BTBD8: variants seen among roughly 807,000 people sequenced by gnomAD.
BTBD8 encodes the protein BTB/POZ domain-containing protein 8.
BTBD8 carries 110 observed loss-of-function variants against 162.9 expected under a neutral mutation model. The ratio of observed to expected loss-of-function variants is 0.68; its 90% CI spans 0.58 to 0.79. The LOEUF (loss-of-function observed/expected upper bound fraction) is 0.79, where lower values mean the gene tolerates loss of function less well. Ranked by LOEUF, BTBD8 falls within the 30% of genes least tolerant of loss-of-function variation. BTBD8 has a pLI of 0.00. For missense variants in BTBD8, 1,905 were observed against 2,085.4 expected (o/e 0.91, Z 1.68); for synonymous variants, 667 against 716.1 (o/e 0.93, Z 1.10).
rs499588 is a variant in BTBD8 at position 92,176,567 on chromosome 1, C to T, written c.1636-262C>T. 1.9e-3 allele frequency among the ~76,000 whole-genome samples: 289 copies of T among 152,154 alleles called. 4 individuals carry two copies. The highest frequency in any genetic ancestry group is 6.6e-3 in the African/African-American group (274 of 41,522). On this transcript the variant is annotated intron_variant, in intron 13 of 17. Transcript: ENST00000636805. The stretch of plus-strand genomic sequence containing the variant: ...TCAAAACTTCATACATTAAAAAAGC[C>T]TTCCTTTTATTTATTTATTTACTTT...
At chr1:92,130,183 T>G (rs766410456) in intron 5 of BTBD8, among the ~76,000 whole-genome samples, 179 of 152,218 alleles carry the variant, frequency 1.2e-3, no homozygotes, top group Non-Finnish European at 1.7e-3. Flanking sequence ...TTTATGGTAT[T>G]TCTTCTTATA....
intron 4 of BTBD8, among the ~76,000 whole-genome samples, chr1:92,118,402 GT>G (rs1421168600): frequency 6.6e-6 from 1 of 151,368 alleles, no homozygotes; most frequent in Non-Finnish European, 1.5e-5. Flanking sequence ...TGGATTATGG[GT>G]TTGGGACAGG....
Position 92,114,999 on chromosome 1 carries a change from G to A in BTBD8, c.662+6998G>A, listed in dbSNP as rs138967911. On this transcript the variant is annotated intron_variant, in intron 4 of 17. Coordinates refer to ENST00000636805, the MANE Select transcript of BTBD8 (RefSeq NM_001376131.1). ...GCTCATTGTAGCCCCAGATGCCCTT[G>A]AGGGCCCCCTCTGATGCTGCTTTAC... is the stretch of plus-strand genomic sequence containing the variant. The A allele has an allele frequency of 2.9e-3, 854 of 290,058 alleles. 1 individual carries two copies. The highest frequency in any genetic ancestry group is 4.4e-3 in the Non-Finnish European group (664 of 149,380). The allele number at this position is 290,058 out of a possible 1,614,324, so 18.0% of individuals were successfully genotyped here. A position where few individuals can be genotyped will look rare whatever the true frequency, so the allele number is the denominator to read the frequency against.
chr1:92,096,432 G>A (rs1648453019), intron 2 of BTBD8, among the ~76,000 whole-genome samples: 1 of 152,006 alleles, frequency 6.6e-6, no homozygotes, highest in Non-Finnish European at 1.5e-5. Flanking sequence ...ACATTCAACT[G>A]TGACCTCTCC....
chr1:92,184,677 G>C lies in BTBD8; in HGVS notation c.*347G>C, dbSNP rs1394044108. The C allele has an allele frequency of 6.0e-6, 1 of 165,362 alleles. No homozygotes were observed. The highest frequency in any genetic ancestry group is 2.4e-5 in the African/African-American group (1 of 41,692). The allele number at this position is 165,362 out of a possible 1,614,324, so 10.2% of individuals were successfully genotyped here. A position where few individuals can be genotyped will look rare whatever the true frequency, so the allele number is the denominator to read the frequency against. On this transcript the variant is annotated 3_prime_UTR_variant, in exon 18 of 18. Transcript: ENST00000636805. ...GTCCCTTTACTTTTTGCTCTGCATA[G>C]GGTAACATAGTAATTTAACAATAAA...
At chr1:92,150,213 G>A (rs749110823) in intron 9 of BTBD8, among the ~76,000 whole-genome samples, 1 of 152,248 alleles carries the variant, frequency 6.6e-6, no homozygotes, top group Admixed American at 6.5e-5. Context: ...AGTTCCTATG[G>A]CATATTTCTG....
intron 17 of BTBD8, among the ~76,000 whole-genome samples, chr1:92,183,543 A>G (rs1468437561): frequency 6.6e-6 from 1 of 150,672 alleles, no homozygotes; most frequent in East Asian, 1.9e-4. Context: ...CTCTTTTTCT[A>G]TTGTAGTGAA....
At chr1:92,163,354 CAAAAAAAAAAAAAAAA>C (rs34760395) in intron 9 of BTBD8, among the ~76,000 whole-genome samples, 235 of 20,422 alleles carry the variant, frequency 0.012, 5 homozygotes, top group African/African-American at 0.042. Flanking sequence ...GATTCTGTCT[CAAAAAAAAAAAAAAAA>C]AAAAAAAAAA....
intron 2 of BTBD8, among the ~76,000 whole-genome samples, chr1:92,089,482 T>C (rs1189741268): frequency 6.6e-6 from 1 of 152,188 alleles, no homozygotes; most frequent in East Asian, 1.9e-4. Context: ...CTTAGTCCAT[T>C]TGGGCTGCTA....
chr1:92,118,751 C>T (rs1318020111), intron 4 of BTBD8, among the ~76,000 whole-genome samples: 2 of 149,474 alleles, frequency 1.3e-5, no homozygotes, highest in East Asian at 2.0e-4. Context: ...TCAGTGTAGA[C>T]TCATAGATAC....
At chr1:92,160,822 T>C (rs2100657857) in intron 9 of BTBD8, among the ~76,000 whole-genome samples, 1 of 152,212 alleles carries the variant, frequency 6.6e-6, no homozygotes, top group East Asian at 1.9e-4. Context: ...ACATGCTAGG[T>C]CCCATTAGGA....
At chr1:92,170,212 A>G (rs1451523501) in intron 12 of BTBD8, among the ~76,000 whole-genome samples, 1 of 152,170 alleles carries the variant, frequency 6.6e-6, no homozygotes, top group African/African-American at 2.4e-5. Flanking sequence ...TGGTAATCCA[A>G]CTATCCAGCT....
At chr1:92,176,697 C>G (rs1384656361) in intron 13 of BTBD8, 132 bp from the exon 14 acceptor site, 2 of 486,834 alleles carry the variant, frequency 4.1e-6, no homozygotes, top group Non-Finnish European at 7.0e-6. Flanking sequence ...AAAGACAGTT[C>G]AAGCTTTGAC....
Position 92,177,805 on chromosome 1 carries a change from T to C in BTBD8, c.2354-6T>C, listed in dbSNP as rs1010344627. 12 of 1,495,848 alleles carry C rather than the reference T, an allele frequency of 8.0e-6. No individual in the cohort carries two copies. Among genetic ancestry groups the C allele is most frequent in the Non-Finnish European group, 1.1e-5 (12 of 1,097,938 alleles). The allele number at this position is 1,495,848 out of a possible 1,614,324, so 92.7% of individuals were successfully genotyped here. A position where few individuals can be genotyped will look rare whatever the true frequency, so the allele number is the denominator to read the frequency against. On this transcript the variant is annotated splice_polypyrimidine_tract_variant and splice_region_variant and intron_variant, in intron 14 of 17. Coordinates refer to ENST00000636805, the MANE Select transcript of BTBD8 (RefSeq NM_001376131.1). Reference sequence around the variant, plus strand: ...CTCTTATGACTCACTTTTTCTTAATTTATAGCCATAAAATCTCGACCTGTT... The same window carrying C: ...CTCTTATGACTCACTTTTTCTTAATCTATAGCCATAAAATCTCGACCTGTT...
In BTBD8 at chr1:92,084,504, G is replaced by A. The variant is rs183344916; in HGVS notation, c.149+3784G>A. On this transcript the variant is annotated intron_variant, in intron 1 of 17. Coordinates refer to ENST00000636805, the MANE Select transcript of BTBD8 (RefSeq NM_001376131.1). ...GGGATTGAAGCCCTGGGTTAGGGTTGTATGAAGGTTGCCAGGTGGAGGACA... is the reference window on the plus strand; with the variant it reads ...GGGATTGAAGCCCTGGGTTAGGGTTATATGAAGGTTGCCAGGTGGAGGACA... Among the ~76,000 whole-genome samples the A allele has an allele frequency of 3.9e-5, 6 of 152,318 alleles. No homozygotes were observed. In the East Asian group the frequency reaches 9.7e-4, roughly 25 times the overall value.
Position 92,177,511 on chromosome 1 carries a change from A to T in BTBD8, c.2318A>T (p.Lys773Ile). 1 of 1,549,872 alleles carries T rather than the reference A, an allele frequency of 6.5e-7. No individual in the cohort carries two copies. Among genetic ancestry groups the T allele is most frequent in the Non-Finnish European group, 8.7e-7 (1 of 1,146,412 alleles). The stretch of plus-strand genomic sequence containing the variant: ...TGTGATTCTCCAGGACAGATGATGA[A>T]AAACAGTGTAGATAGTGTCAAAAAT... ...SFCDSPGQMM[K>I]NSVDSVKNST... The change falls in exon 14 of 18, where the codon AAA (lysine) becomes ATA (isoleucine). Residue 773 changes from lysine (K) to isoleucine (I), a missense_variant. Coordinates refer to ENST00000636805, the MANE Select transcript of BTBD8 (RefSeq NM_001376131.1).
At chr1:92,097,244 C>CTCTT (rs1648477174) in intron 2 of BTBD8, among the ~76,000 whole-genome samples, 2 of 152,144 alleles carry the variant, frequency 1.3e-5, no homozygotes, top group South Asian at 4.2e-4. Context: ...TAAAAAATGA[C>CTCTT]TCTTTCCTGA....
In BTBD8 at chr1:92,184,484, A is replaced by G. The variant is rs967003180; in HGVS notation, c.*154A>G. The G allele has an allele frequency of 3.9e-5, 18 of 466,138 alleles. No homozygotes were observed. The highest frequency in any genetic ancestry group is 5.9e-5 in the Non-Finnish European group (16 of 269,794). The allele number at this position is 466,138 out of a possible 1,614,324, so 28.9% of individuals were successfully genotyped here. A position where few individuals can be genotyped will look rare whatever the true frequency, so the allele number is the denominator to read the frequency against. Reference sequence around the variant, plus strand: ...AACATAGTTTATTTATTAATATATCACATATAGAAAAATGTTTTTCTAAAG... The same window carrying G: ...AACATAGTTTATTTATTAATATATCGCATATAGAAAAATGTTTTTCTAAAG... On this transcript the variant is annotated 3_prime_UTR_variant, in exon 18 of 18. Transcript: ENST00000636805.
intron 2 of BTBD8, among the ~76,000 whole-genome samples, chr1:92,092,308 T>G: frequency 6.6e-6 from 1 of 150,798 alleles, no homozygotes; most frequent in East Asian, 2.0e-4. Flanking sequence ...AAGGCTGAGG[T>G]AGGAGGATCA....
Sources: allele counts gnomAD v4.1 joint callset (sites outside exome capture counted in the v4.1 genomes callset), GRCh38; gene constraint gnomAD v4.1.1; transcripts MANE v1.5; gene names NCBI Gene and HGNC (gene_info 2026-07-23, HGNC 2026-07-21).